Variants in ROBO1 observed in about 807,000 individuals in gnomAD.
The protein encoded by ROBO1 is roundabout homolog 1.
In ROBO1, 149 loss-of-function variants were observed where a neutral mutation model predicts 195.9. The observed-to-expected ratio is 0.76, with a 90% CI of 0.67 to 0.87. The LOEUF is 0.87. ROBO1 is among the 40% of genes least tolerant of loss of function. The probability of loss-of-function intolerance (pLI) is 0.00; values close to 1 mark genes in which losing one functional copy is unlikely to be tolerated. For missense variants in ROBO1, 1,933 were observed against 2,068.3 expected (o/e 0.93, Z 1.27); for synonymous variants, 816 against 733.2 (o/e 1.11, Z -1.82).
At chr3:79,556,993 CTT>C (rs991864126) in intron 2 of ROBO1, among the ~76,000 whole-genome samples, 52 of 148,236 alleles carry the variant, frequency 3.5e-4, no homozygotes, top group African/African-American at 1.2e-3. Context: ...CATTTTCTCT[CTT>C]ATACTCTGAA....
intron 29 of ROBO1, among the ~76,000 whole-genome samples, chr3:78,601,447 TA>T (rs1703165645): frequency 6.6e-6 from 1 of 152,170 alleles, no homozygotes; most frequent in Non-Finnish European, 1.5e-5. Context: ...TTCTGACACA[TA>T]GGAGTTTCAC....
intron 1 of ROBO1, among the ~76,000 whole-genome samples, chr3:79,669,573 GC>G (rs1408838808): frequency 1.3e-5 from 2 of 151,856 alleles, no homozygotes; most frequent in Non-Finnish European, 2.9e-5. Context: ...ATACCACATA[GC>G]CTAGGGATGT....
chr3:78,674,791 T>C (rs1338927715), intron 10 of ROBO1, among the ~76,000 whole-genome samples: 1 of 152,196 alleles, frequency 6.6e-6, no homozygotes, highest in African/African-American at 2.4e-5. Flanking sequence ...AAATTGGAGA[T>C]ATTTGAGACT....
intron 1 of ROBO1, among the ~76,000 whole-genome samples, chr3:79,612,058 T>C (rs1265812352): frequency 6.6e-6 from 1 of 151,936 alleles, no homozygotes; most frequent in Non-Finnish European, 1.5e-5. Context: ...TTTTAAGTTA[T>C]AGGGTACATG....
intron 4 of ROBO1, among the ~76,000 whole-genome samples, chr3:78,838,275 T>C (rs1418854140): frequency 6.6e-6 from 1 of 152,298 alleles, no homozygotes; most frequent in South Asian, 2.1e-4. Context: ...AAAGGCCAGG[T>C]TGGCACTGAT....
At chr3:79,492,172 C>A (rs1018358340) in intron 2 of ROBO1, among the ~76,000 whole-genome samples, 2 of 152,080 alleles carry the variant, frequency 1.3e-5, no homozygotes, top group Non-Finnish European at 2.9e-5. Context: ...CGCCTGTAAT[C>A]CCAGCACTTT....
chr3:79,062,656 T>C (rs1319315049), intron 3 of ROBO1, among the ~76,000 whole-genome samples: 2 of 152,152 alleles, frequency 1.3e-5, no homozygotes, highest in Non-Finnish European at 2.9e-5. Flanking sequence ...CACCATGGAA[T>C]ACTATGCAGC....
At chr3:79,474,163 A>T (rs1938428381) in intron 2 of ROBO1, among the ~76,000 whole-genome samples, 1 of 152,142 alleles carries the variant, frequency 6.6e-6, no homozygotes, top group African/African-American at 2.4e-5. Context: ...GCTTTATACA[A>T]GATCCCATTT....
intron 2 of ROBO1, among the ~76,000 whole-genome samples, chr3:79,201,312 C>T (rs1160981894): frequency 2.6e-5 from 4 of 151,942 alleles, no homozygotes; most frequent in African/African-American, 4.8e-5. Flanking sequence ...GACACTGTCA[C>T]CTTTGCAGTT....
intron 5 of ROBO1, among the ~76,000 whole-genome samples, chr3:78,725,187 T>C (rs2082133407): frequency 6.6e-6 from 1 of 152,122 alleles, no homozygotes; most frequent in Admixed American, 6.5e-5. Context: ...CCATAAGCGC[T>C]AGACAGTGCT....
intron 4 of ROBO1, among the ~76,000 whole-genome samples, chr3:78,859,548 T>C (rs1245673438): frequency 6.6e-6 from 1 of 152,076 alleles, no homozygotes; most frequent in Non-Finnish European, 1.5e-5. Context: ...CAAGGGAATA[T>C]AGAGGAAGAG....
At chr3:79,570,308 C>G (rs970128423) in intron 2 of ROBO1, among the ~76,000 whole-genome samples, 2 of 150,648 alleles carry the variant, frequency 1.3e-5, no homozygotes, top group African/African-American at 4.9e-5. Flanking sequence ...AAACTGTTTT[C>G]TAATTGCAGT....
At chr3:79,577,799 C>T (rs1018164754) in intron 2 of ROBO1, among the ~76,000 whole-genome samples, 4 of 151,468 alleles carry the variant, frequency 2.6e-5, no homozygotes, top group Non-Finnish European at 5.9e-5. Context: ...GTAATCCCTG[C>T]TACTCAAGAG....
chr3:79,255,406 C>T (rs1287474605), intron 2 of ROBO1, among the ~76,000 whole-genome samples: 3 of 152,082 alleles, frequency 2.0e-5, no homozygotes, highest in East Asian at 1.9e-4. Flanking sequence ...TCCCACATCA[C>T]TGTTCTTCTT....
chr3:79,557,719 C>T (rs1233231641), intron 2 of ROBO1, among the ~76,000 whole-genome samples: 8 of 99,236 alleles, frequency 8.1e-5, no homozygotes, highest in African/African-American at 3.3e-4. Context: ...GGCAACAGAG[C>T]GAGACTGTCT....
chr3:79,502,359 G>T (rs950682267), intron 2 of ROBO1, among the ~76,000 whole-genome samples: 1 of 152,198 alleles, frequency 6.6e-6, no homozygotes, highest in African/African-American at 2.4e-5. Context: ...GCAGATGGCT[G>T]TCCCCGCCGC....
intron 8 of ROBO1, among the ~76,000 whole-genome samples, chr3:78,711,324 TCTC>T (rs1390372753): frequency 1.5e-5 from 2 of 132,320 alleles, no homozygotes; most frequent in African/African-American, 5.9e-5. Flanking sequence ...TCTCTCTCTC[TCTC>T]CTTCCTTCCT....
intron 29 of ROBO1, among the ~76,000 whole-genome samples, chr3:78,605,314 C>T: frequency 6.6e-6 from 1 of 152,106 alleles, no homozygotes. Flanking sequence ...TCTTGATTAT[C>T]TGCCTACTCT....
In ROBO1 at chr3:79,048,446, G is replaced by A. The variant is rs148400778; in HGVS notation, c.172+77010C>T. 5.2e-4 allele frequency among the ~76,000 whole-genome samples: 79 copies of A among 152,122 alleles called. 1 individual carries two copies. Among genetic ancestry groups the A allele is most frequent in the Middle Eastern group, 3.4e-3 (1 of 294 alleles). On this transcript the variant is annotated intron_variant, in intron 3 of 30. Transcript: ENST00000464233. ...CCTTTTTCTCTAACAGGCATTTGCC[G>A]TAATGATTCTCTTGTACATCTAATT...
Sources: gnomAD v4.1 joint callset for allele counts (sites outside exome capture counted in the v4.1 genomes callset) on GRCh38, gnomAD v4.1.1 for gene constraint, MANE v1.5 for transcripts, NCBI Gene and HGNC (gene_info 2026-07-23, HGNC 2026-07-21) for gene names.